NIPSNAP1: variants seen among roughly 807,000 people sequenced by gnomAD.
NIPSNAP1 encodes the protein nipsnap homolog 1, also known as protein NipSnap homolog 1.
Under a neutral mutation model 49.2 loss-of-function variants are expected in NIPSNAP1, and 25 were observed. The observed-to-expected ratio is 0.51, with a 90% CI of 0.37 to 0.71. The LOEUF (loss-of-function observed/expected upper bound fraction) is 0.71, where lower values mean the gene tolerates loss of function less well. Among genes scored for constraint, NIPSNAP1 ranks in the 30% least tolerant of loss-of-function variants. The probability of loss-of-function intolerance (pLI) is 0.00; values close to 1 mark genes in which losing one functional copy is unlikely to be tolerated. For missense variants in NIPSNAP1, 294 were observed against 361.0 expected (o/e 0.81, Z 1.50); for synonymous variants, 143 against 140.7 (o/e 1.02, Z -0.12).
intron 4 of NIPSNAP1, among the ~76,000 whole-genome samples, chr22:29,562,366 G>C (rs1294923687): frequency 1.3e-5 from 2 of 152,194 alleles, no homozygotes; most frequent in South Asian, 2.1e-4. Context: ...TGTTGAGGTG[G>C]CAAGGACATC....
At position 29,561,520 on chromosome 22, in the gene NIPSNAP1, T is replaced by A; in HGVS notation, c.565A>T (p.Thr189Ser). The A allele has an allele frequency of 1.2e-6, 2 of 1,614,092 alleles. No homozygotes were observed. The highest frequency in any genetic ancestry group is 1.7e-6 in the Non-Finnish European group (2 of 1,180,002). ...GAGGGAGGCACCTTGAGCTTGTATG[T>A]CCTCAGCTCATAGATGTTGGGACCC... is the stretch of plus-strand genomic sequence containing the variant. Reference protein sequence around the residue: ...RMGPNIYELRTYKLKPGTMIE... With the variant: ...RMGPNIYELRSYKLKPGTMIE... The change falls in exon 6 of 10, where the codon ACA (threonine) becomes TCA (serine). Residue 189 changes from threonine (T) to serine (S), a missense_variant. Physicochemically the swap from Thr to Ser is moderately conservative, Grantham distance 58. Around this residue, in one of 4 missense-constraint regions of NIPSNAP1, gnomAD observed 146 missense variants for 219.9 expected, o/e 0.66. Transcript: ENST00000216121.
chr22:29,576,695 G>A (rs2064454897), intron 1 of NIPSNAP1, among the ~76,000 whole-genome samples: 1 of 151,444 alleles, frequency 6.6e-6, no homozygotes. Flanking sequence ...GGAAGCCGAG[G>A]CGGGTGGATC....
At chr22:29,556,968 T>C (rs1476863908) in intron 9 of NIPSNAP1, among the ~76,000 whole-genome samples, 1 of 151,938 alleles carries the variant, frequency 6.6e-6, no homozygotes, top group Non-Finnish European at 1.5e-5. Context: ...AGGCTGGTCT[T>C]GAACTCCTGA....
In NIPSNAP1 at chr22:29,580,975, G is replaced by T. The variant is rs964142370; in HGVS notation, c.98+10C>A. On this transcript the variant is annotated intron_variant, in intron 1 of 9. Transcript: ENST00000216121. The stretch of plus-strand genomic sequence containing the variant: ...CGCGCGCGTCTATCCCTGCCTGGCC[G>T]GGCTCTCACCGCGCCGCAGCTGCAG... 1 of 1,528,192 alleles carries T rather than the reference G, an allele frequency of 6.5e-7. No homozygotes were observed. The highest frequency in any genetic ancestry group is 2.0e-5 in the Admixed American group (1 of 50,554). The allele number at this position is 1,528,192 out of a possible 1,614,324, so 94.7% of individuals were successfully genotyped here. A position where few individuals can be genotyped will look rare whatever the true frequency, so the allele number is the denominator to read the frequency against.
intron 1 of NIPSNAP1, among the ~76,000 whole-genome samples, chr22:29,574,824 C>T (rs1292017615): frequency 2.0e-5 from 3 of 149,998 alleles, no homozygotes; most frequent in African/African-American, 7.4e-5. Context: ...ATGGGTAGTG[C>T]GGTCTGTGAA....
intron 1 of NIPSNAP1, among the ~76,000 whole-genome samples, chr22:29,573,822 C>G (rs1052986239): frequency 2.7e-5 from 4 of 150,894 alleles, no homozygotes; most frequent in African/African-American, 9.7e-5. Flanking sequence ...GCCTGTAGTC[C>G]CAGCTACTCA....
chr22:29,561,427 C>G, intron 6 of NIPSNAP1, 79 bp downstream of exon 6: 1 of 1,585,268 alleles, frequency 6.3e-7, no homozygotes, highest in Non-Finnish European at 8.7e-7. Flanking sequence ...AAGCCCCAGT[C>G]TAGGTGTTGG....
In NIPSNAP1 at chr22:29,581,085, T is replaced by G. The variant is rs1229523443; in HGVS notation, c.-3A>C. On this transcript the variant is annotated 5_prime_UTR_variant, in exon 1 of 10. Transcript: ENST00000216121. ...ATGCTGCACAGCCGCGGAGCCATGT[T>G]GGAGCCGCAAAGGTTGCAGGAAGGC... The G allele has an allele frequency of 6.5e-7, 1 of 1,541,524 alleles. No homozygotes were observed. The highest frequency in any genetic ancestry group is 8.7e-7 in the Non-Finnish European group (1 of 1,146,066).
chr22:29,579,765 T>G (rs2064483768), intron 1 of NIPSNAP1: 2 of 274,472 alleles, frequency 7.3e-6, no homozygotes. Context: ...CCCTATGAGA[T>G]ACATCCTGAT....
chr22:29,557,259 C>T (rs948955847), intron 9 of NIPSNAP1, among the ~76,000 whole-genome samples: 2 of 152,118 alleles, frequency 1.3e-5, no homozygotes, highest in East Asian at 3.9e-4. Flanking sequence ...GCTGGGATTA[C>T]AGGCTTGAGT....
intron 4 of NIPSNAP1, among the ~76,000 whole-genome samples, chr22:29,564,752 A>G (rs988968280): frequency 6.6e-6 from 1 of 152,316 alleles, no homozygotes; most frequent in South Asian, 2.1e-4. Flanking sequence ...TGCTCTCCAT[A>G]GGAGATGGAT....
intron 1 of NIPSNAP1, among the ~76,000 whole-genome samples, chr22:29,578,237 T>C (rs2064469871): frequency 6.6e-6 from 1 of 150,854 alleles, no homozygotes; most frequent in Admixed American, 6.6e-5. Flanking sequence ...GGTTTCACCA[T>C]GTTGGCCAAG....
chr22:29,579,508 G>C (rs1286998507), intron 1 of NIPSNAP1, among the ~76,000 whole-genome samples: 2 of 151,818 alleles, frequency 1.3e-5, no homozygotes, highest in Non-Finnish European at 1.5e-5. Context: ...GTGTTAGCCA[G>C]GATGGTCTCG....
At chr22:29,579,003 G>A (rs999817067) in intron 1 of NIPSNAP1, among the ~76,000 whole-genome samples, 1 of 151,292 alleles carries the variant, frequency 6.6e-6, no homozygotes, top group Non-Finnish European at 1.5e-5. Flanking sequence ...GAAATTGCTT[G>A]AAACATAGGC....
intron 1 of NIPSNAP1, among the ~76,000 whole-genome samples, chr22:29,573,347 T>A (rs1297172313): frequency 6.6e-6 from 1 of 152,098 alleles, no homozygotes; most frequent in East Asian, 1.9e-4. Context: ...AGTGGTGATA[T>A]GTTTGTATAA....
In NIPSNAP1 at chr22:29,555,887, C is replaced by T. The variant is rs1270841080; in HGVS notation, c.*48G>A. On this transcript the variant is annotated 3_prime_UTR_variant, in exon 10 of 10. Coordinates refer to ENST00000216121, the MANE Select transcript of NIPSNAP1 (RefSeq NM_003634.4). ...CAGGACCAGGAGTGCCACTGTCTGT[C>T]GGGGTTGCCTGAGGGAGAAGGGGAA... The T allele has an allele frequency of 2.0e-6, 3 of 1,521,088 alleles. No homozygotes were observed. Among genetic ancestry groups the T allele is most frequent in the East Asian group, 2.4e-5 (1 of 40,862 alleles). 94.2% of individuals were successfully genotyped at this position (1,521,088 alleles called of 1,614,324 possible). A position where few individuals can be genotyped will look rare whatever the true frequency, so the allele number is the denominator to read the frequency against.
chr22:29,577,961 C>T (rs964182656), intron 1 of NIPSNAP1, among the ~76,000 whole-genome samples: 3 of 146,092 alleles, frequency 2.1e-5, no homozygotes, highest in African/African-American at 7.9e-5. Flanking sequence ...TGCACTGGTG[C>T]GATCTCAGCT....
At chr22:29,569,621 G>A (rs1002792529) in intron 3 of NIPSNAP1, among the ~76,000 whole-genome samples, 6 of 151,244 alleles carry the variant, frequency 4.0e-5, no homozygotes, top group East Asian at 2.0e-4. Flanking sequence ...GCCCAGGCTG[G>A]AGTGCAATGG....
At chr22:29,568,793 C>T (rs1044243436) in intron 4 of NIPSNAP1, among the ~76,000 whole-genome samples, 44 of 151,014 alleles carry the variant, frequency 2.9e-4, no homozygotes, top group Admixed American at 1.3e-3. Flanking sequence ...AACTCAGTCT[C>T]GGAAAAAAAA....
Sources: allele counts gnomAD v4.1 joint callset (sites outside exome capture counted in the v4.1 genomes callset), GRCh38; gene constraint gnomAD v4.1.1; regional missense constraint gnomAD v4.1.1; transcripts MANE v1.5; gene names NCBI Gene and HGNC (gene_info 2026-07-23, HGNC 2026-07-21).